Variants in AFF3 observed in about 807,000 individuals in gnomAD.
AFF3 encodes ALF transcription elongation factor 3.
A neutral mutation model predicts 129.7 loss-of-function variants in AFF3; 32 were observed. The ratio of observed to expected loss-of-function variants is 0.25; its 90% CI spans 0.19 to 0.33. AFF3 has a LOEUF of 0.33. Among genes scored for constraint, AFF3 ranks in the 10% least tolerant of loss-of-function variants. The probability of loss-of-function intolerance (pLI) is 1.00; values close to 1 mark genes in which losing one functional copy is unlikely to be tolerated. For synonymous variants in AFF3, 644 were observed against 635.4 expected (o/e 1.01, Z -0.20); for missense variants, 1,373 against 1,592.0 (o/e 0.86, Z 2.34).
chr2:99,802,693 CTTTT>C (rs57516339), intron 8 of AFF3, among the ~76,000 whole-genome samples: 39 of 122,538 alleles, frequency 3.2e-4, no homozygotes, highest in Non-Finnish European at 4.1e-4. Context: ...CCTAGGGTGT[CTTTT>C]TTTTTTTTTT....
chr2:100,022,301 T>A (rs1042701222), intron 4 of AFF3, among the ~76,000 whole-genome samples: 1 of 152,216 alleles, frequency 6.6e-6, no homozygotes, highest in African/African-American at 2.4e-5. Flanking sequence ...AGCATGATAA[T>A]TATCACAAAT....
chr2:99,923,463 A>T (rs1016090930), intron 7 of AFF3, among the ~76,000 whole-genome samples: 14 of 152,240 alleles, frequency 9.2e-5, no homozygotes, highest in Non-Finnish European at 2.1e-4. Context: ...TTCACATTCT[A>T]CCCAAGTACT....
intron 11 of AFF3, among the ~76,000 whole-genome samples, chr2:99,705,972 T>A (rs1279720177): frequency 1.4e-5 from 2 of 144,014 alleles, no homozygotes; most frequent in Non-Finnish European, 3.0e-5. Context: ...TGACCAAACA[T>A]CAAAATCGAT....
chr2:99,772,334 T>C (rs1459753620), intron 8 of AFF3, among the ~76,000 whole-genome samples: 1 of 152,104 alleles, frequency 6.6e-6, no homozygotes, highest in Non-Finnish European at 1.5e-5. Context: ...AGAACTGTGA[T>C]AGTCTAAGTG....
rs145721843 is a variant in AFF3 at position 99,854,772 on chromosome 2, TG to T, written c.874-17249del. 5.3e-3 allele frequency among the ~76,000 whole-genome samples: 805 copies of T among 152,284 alleles called. 5 individuals carry two copies. Among genetic ancestry groups the T allele is most frequent in the Non-Finnish European group, 9.4e-3 (639 of 68,026 alleles). Reference sequence around the variant, plus strand: ...ATGCTAAGGTTTAGAGTATTATAACTGGAAATATGAAAGGCATTTTGCAATA... The same window carrying T: ...ATGCTAAGGTTTAGAGTATTATAACTGAAATATGAAAGGCATTTTGCAATA... On this transcript the variant is annotated intron_variant, in intron 7 of 24. Transcript: ENST00000672756.
chr2:99,822,028 T>C (rs1359321926), intron 8 of AFF3, among the ~76,000 whole-genome samples: 1 of 152,158 alleles, frequency 6.6e-6, no homozygotes, highest in African/African-American at 2.4e-5. Flanking sequence ...TTGGAAATAT[T>C]GATATTTTAA....
At chr2:100,104,798 A>T (rs868237291) in intron 3 of AFF3, 7 of 616,564 alleles carry the variant, frequency 1.1e-5, no homozygotes, top group Non-Finnish European at 5.8e-6. Flanking sequence ...CCGCTGCTGC[A>T]GCCGCCGCCG....
At chr2:99,809,157 A>C (rs1686592848) in intron 8 of AFF3, among the ~76,000 whole-genome samples, 1 of 152,248 alleles carries the variant, frequency 6.6e-6, no homozygotes, top group African/African-American at 2.4e-5. Context: ...AATTTTCTTT[A>C]GAATATGAAA....
chr2:99,966,859 T>G (rs1038001099), intron 7 of AFF3, among the ~76,000 whole-genome samples: 1 of 151,978 alleles, frequency 6.6e-6, no homozygotes, highest in African/African-American at 2.4e-5. Flanking sequence ...TTCATTAAGA[T>G]AAATATGAAA....
chr2:99,651,326 C>G (rs1463536303), intron 12 of AFF3, among the ~76,000 whole-genome samples: 2 of 152,154 alleles, frequency 1.3e-5, no homozygotes, highest in Non-Finnish European at 2.9e-5. Context: ...ACACGATGCT[C>G]TCTGTCTCAG....
intron 22 of AFF3, among the ~76,000 whole-genome samples, chr2:99,557,590 C>A (rs1675059991): frequency 6.6e-6 from 1 of 152,168 alleles, no homozygotes; most frequent in Non-Finnish European, 1.5e-5. Context: ...TAATAATTCT[C>A]TTTAGTAGTA....
intron 7 of AFF3, among the ~76,000 whole-genome samples, chr2:99,966,153 T>C (rs13413309): frequency 0.19 from 29,161 of 152,084 alleles, 3,655 homozygotes; most frequent in African/African-American, 0.35. Flanking sequence ...CATCTTTCTC[T>C]GTCAGGACTC....
chr2:99,957,825 G>A (rs1447759765), intron 7 of AFF3, among the ~76,000 whole-genome samples: 1 of 152,178 alleles, frequency 6.6e-6, no homozygotes, highest in Non-Finnish European at 1.5e-5. Flanking sequence ...GGAGCAGGGG[G>A]TCTCTGGATG....
intron 4 of AFF3, among the ~76,000 whole-genome samples, chr2:100,080,218 C>T (rs537397702): frequency 1.1e-4 from 17 of 152,158 alleles, no homozygotes; most frequent in African/African-American, 3.9e-4. Flanking sequence ...CCTTGGTTTC[C>T]TTGTATGTTT....
chr2:99,595,117 G>A (rs1024357061), intron 14 of AFF3, among the ~76,000 whole-genome samples: 1 of 152,138 alleles, frequency 6.6e-6, no homozygotes, highest in Non-Finnish European at 1.5e-5. Context: ...GATGCATTTT[G>A]TTTCTAGAAG....
In AFF3 at chr2:99,739,226, G is replaced by C. The variant is rs191132316; in HGVS notation, c.1039+4878C>G. ...TGTGGTCTTTCCTGGGGCTCCTGGG[G>C]GCTGTTCCCACCACCACTAAAACTT... On this transcript the variant is annotated intron_variant, in intron 10 of 24. Transcript: ENST00000672756. 7.8e-3 allele frequency among the ~76,000 whole-genome samples: 1,183 copies of C among 151,942 alleles called. 15 individuals carry two copies. The highest frequency in any genetic ancestry group is 0.054 in the Middle Eastern group (16 of 294).
chr2:99,575,414 A>ATTTTTTTTTTTTTTTT (rs540441950), intron 18 of AFF3, among the ~76,000 whole-genome samples: 102 of 127,430 alleles, frequency 8.0e-4, no homozygotes, highest in African/African-American at 2.7e-3. Flanking sequence ...TGCCTGGCTA[A>ATTTTTTTTTTTTTTTT]TTTTTTTTTT....
At chr2:100,103,729 G>A (rs1168901032) in intron 4 of AFF3, among the ~76,000 whole-genome samples, 1 of 152,020 alleles carries the variant, frequency 6.6e-6, no homozygotes, top group African/African-American at 2.4e-5. Context: ...GGGCGCCCGG[G>A]TGGGGTGGGG....
intron 7 of AFF3, among the ~76,000 whole-genome samples, chr2:99,921,945 A>T (rs1458502865): frequency 6.6e-6 from 1 of 152,192 alleles, no homozygotes; most frequent in Non-Finnish European, 1.5e-5. Context: ...CATGGCCAAT[A>T]AGCACATGAA....
Sources: gnomAD v4.1 joint callset for allele counts (sites outside exome capture counted in the v4.1 genomes callset) on GRCh38, gnomAD v4.1.1 for gene constraint, MANE v1.5 for transcripts, NCBI Gene and HGNC (gene_info 2026-07-23, HGNC 2026-07-21) for gene names.